The following SH3D19 variants were observed in gnomAD, a reference collection of about 807,000 sequenced individuals.
SH3D19 encodes the protein SH3 domain containing 19, also known as SH3 domain-containing protein 19.
In SH3D19, 58 loss-of-function variants were observed where a neutral mutation model predicts 112.1. The observed-to-expected ratio is 0.52, with a 90% CI of 0.42 to 0.64. The LOEUF (loss-of-function observed/expected upper bound fraction) is 0.64, where lower values mean the gene tolerates loss of function less well. Ranked by LOEUF, SH3D19 falls within the 30% of genes least tolerant of loss-of-function variation. SH3D19 has a pLI of 0.00. For missense variants in SH3D19, 1,090 were observed against 1,263.4 expected (o/e 0.86, Z 2.08); for synonymous variants, 391 against 448.5 (o/e 0.87, Z 1.62).
intron 8 of SH3D19, among the ~76,000 whole-genome samples, 194 bp from the exon 9 acceptor site, chr4:151,159,546 T>C (rs1313945623): frequency 6.6e-6 from 1 of 152,238 alleles, no homozygotes; most frequent in East Asian, 1.9e-4. Flanking sequence ...TTTTACTATA[T>C]GTTTTTATAG....
intron 19 of SH3D19, 36 bp from the exon 20 acceptor site, chr4:151,122,243 G>A (rs373088740): frequency 1.0e-5 from 12 of 1,181,102 alleles, no homozygotes; most frequent in Non-Finnish European, 1.5e-5. Context: ...ACTGGTTTCT[G>A]TTGAGAATAA....
At chr4:151,268,428 T>C (rs895357981) in intron 1 of SH3D19, among the ~76,000 whole-genome samples, 1 of 152,152 alleles carries the variant, frequency 6.6e-6, no homozygotes, top group Non-Finnish European at 1.5e-5. Context: ...ACGCTTAGGC[T>C]ACACTAAGTG....
chr4:151,244,882 G>A (rs1369681891), intron 1 of SH3D19, among the ~76,000 whole-genome samples: 1 of 152,144 alleles, frequency 6.6e-6, no homozygotes, highest in Non-Finnish European at 1.5e-5. Context: ...AGTGGCTCAC[G>A]CCTGTAATCC....
chr4:151,235,318 T>C (rs1261865516), intron 1 of SH3D19, among the ~76,000 whole-genome samples: 2 of 152,114 alleles, frequency 1.3e-5, no homozygotes, highest in Non-Finnish European at 2.9e-5. Context: ...TTAATAAAGG[T>C]CATAAATTTA....
chr4:151,195,171 C>A (rs1158990925), intron 2 of SH3D19, among the ~76,000 whole-genome samples: 1 of 150,754 alleles, frequency 6.6e-6, no homozygotes, highest in Non-Finnish European at 1.5e-5. Flanking sequence ...GAGATCGAGA[C>A]CATCCTGGCT....
chr4:151,279,741 A>T lies in SH3D19; in HGVS notation c.112+45500T>A, dbSNP rs576391104. On this transcript the variant is annotated intron_variant, in intron 1 of 19. Coordinates refer to ENST00000604030, the MANE Select transcript of SH3D19 (RefSeq NM_001378122.1). ...GTTTGGGAATGATGATAAGGTGGGG[A>T]CCAGAGAAACAGGACTCCTAGGTTT... 82 of 1,534,548 alleles carry T rather than the reference A, an allele frequency of 5.3e-5. No individual in the cohort carries two copies. In the South Asian group the frequency reaches 9.3e-4, roughly 17 times the overall value.
chr4:151,178,254 C>A (rs1310287510), intron 4 of SH3D19, among the ~76,000 whole-genome samples: 1 of 152,180 alleles, frequency 6.6e-6, no homozygotes, highest in Non-Finnish European at 1.5e-5. Flanking sequence ...AACTGTGTGA[C>A]CCTGAACAAA....
chr4:151,121,978 A>G lies in SH3D19; in HGVS notation c.*113T>C, dbSNP rs1032396696. On this transcript the variant is annotated 3_prime_UTR_variant, in exon 20 of 20. Coordinates refer to ENST00000604030, the MANE Select transcript of SH3D19 (RefSeq NM_001378122.1). ...TTCAGAAAATTCTAGTGTACCATGT[A>G]CAGCTTAGATATTTCTTTTTCAGTT... 42 of 666,050 alleles carry G rather than the reference A, an allele frequency of 6.3e-5. No individual in the cohort carries two copies. Among genetic ancestry groups the G allele is most frequent in the Non-Finnish European group, 1.1e-4 (41 of 374,598 alleles). 41.3% of individuals were successfully genotyped at this position (666,050 alleles called of 1,614,324 possible).
At chr4:151,151,117 C>A (rs999077507) in intron 9 of SH3D19, among the ~76,000 whole-genome samples, 1 of 151,992 alleles carries the variant, frequency 6.6e-6, no homozygotes, top group Non-Finnish European at 1.5e-5. Flanking sequence ...TGTGCCACCC[C>A]ACCTGGCTAA....
In SH3D19 at chr4:151,313,616, C is replaced by T. The variant is rs116249019; in HGVS notation, c.112+11625G>A. 9.1e-3 allele frequency among the ~76,000 whole-genome samples: 1,378 copies of T among 152,180 alleles called. 17 individuals are homozygous for T. The highest frequency in any genetic ancestry group is 0.029 in the African/African-American group (1,224 of 41,528). ...TATTTTTTATAAAGTCGGGGTCTTG[C>T]TTTGTTGCCCAGGCTGTGCACATTT... On this transcript the variant is annotated intron_variant, in intron 1 of 19. Coordinates refer to ENST00000604030, the MANE Select transcript of SH3D19 (RefSeq NM_001378122.1).
chr4:151,221,974 T>C (rs1768127391), intron 2 of SH3D19, among the ~76,000 whole-genome samples: 1 of 152,220 alleles, frequency 6.6e-6, no homozygotes, highest in Non-Finnish European at 1.5e-5. Flanking sequence ...ACAAGAGATA[T>C]TTATTGGCTA....
intron 1 of SH3D19, among the ~76,000 whole-genome samples, chr4:151,299,580 CAAAA>C (rs369585943): frequency 1.1e-5 from 1 of 92,804 alleles, no homozygotes. Context: ...AACTCCGTCT[CAAAA>C]AAAAAAAAAA....
chr4:151,317,702 A>G (rs2126396704), intron 1 of SH3D19, among the ~76,000 whole-genome samples: 1 of 152,364 alleles, frequency 6.6e-6, no homozygotes, highest in East Asian at 1.9e-4. Flanking sequence ...GGCTGGGCAC[A>G]GTGGCTCACA....
intron 1 of SH3D19, among the ~76,000 whole-genome samples, chr4:151,271,917 G>A (rs1773254693): frequency 6.6e-6 from 1 of 152,130 alleles, no homozygotes; most frequent in African/African-American, 2.4e-5. Flanking sequence ...GGTATTTAAA[G>A]ATAACGTTAA....
At chr4:151,156,958 G>C (rs557145967) in intron 9 of SH3D19, among the ~76,000 whole-genome samples, 1 of 152,068 alleles carries the variant, frequency 6.6e-6, no homozygotes, top group East Asian at 1.9e-4. Flanking sequence ...CTCAAACATC[G>C]TAACAGCAAA....
chr4:151,259,499 A>T (rs1772211133), intron 1 of SH3D19: 1 of 152,338 alleles, frequency 6.6e-6, no homozygotes, highest in Admixed American at 6.5e-5. Context: ...CCACAGTCTC[A>T]TCTGGTATTG....
intron 2 of SH3D19, among the ~76,000 whole-genome samples, chr4:151,218,370 G>A (rs534790793): frequency 1.3e-5 from 2 of 151,622 alleles, no homozygotes; most frequent in African/African-American, 2.4e-5. Flanking sequence ...ATTCAAAAAG[G>A]TCTCCTGATG....
At position 151,128,176 on chromosome 4, in the gene SH3D19, AG is replaced by A; in HGVS notation, c.2922del (p.Cys975AlafsTer11). ...EGIFPAVFVR[P>X]CPAEAKSMLA... ...TGTCTTGCGGTTGTCATACCTGGGC[AG>A]GGCCTCACAAACACTGCTGGGAAGA... On this transcript the variant is annotated frameshift_variant, in exon 18 of 20. Transcript: ENST00000604030. LOFTEE classifies it high-confidence loss of function. 1 of 1,601,120 alleles carries A rather than the reference AG, an allele frequency of 6.2e-7. No individual in the cohort carries two copies.
chr4:151,173,647 C>T (rs140380787), intron 7 of SH3D19, among the ~76,000 whole-genome samples: 16 of 152,280 alleles, frequency 1.1e-4, no homozygotes, highest in Middle Eastern at 3.4e-3. Context: ...TTAGTTTATA[C>T]GCTAAAATGT....
Sources: allele counts gnomAD v4.1 joint callset (sites outside exome capture counted in the v4.1 genomes callset), GRCh38; gene constraint gnomAD v4.1.1; transcripts MANE v1.5; gene names NCBI Gene and HGNC (gene_info 2026-07-23, HGNC 2026-07-21).